MYT1L: variants seen among roughly 807,000 people sequenced by gnomAD.
The protein encoded by MYT1L is myelin transcription factor 1 like, also known as myelin transcription factor 1-like protein.
Under a neutral mutation model 126.7 loss-of-function variants are expected in MYT1L, and 12 were observed. The ratio of observed to expected loss-of-function variants is 0.09; its 90% CI spans 0.06 to 0.15. MYT1L has a LOEUF of 0.15. MYT1L is among the 10% of genes least tolerant of loss of function. MYT1L has a pLI of 1.00. For missense variants in MYT1L, 979 were observed against 1,585.2 expected (o/e 0.62, Z 6.49); for synonymous variants, 541 against 604.2 (o/e 0.90, Z 1.53).
chr2:1,931,155 C>T (rs577274339), intron 9 of MYT1L, among the ~76,000 whole-genome samples: 88 of 152,310 alleles, frequency 5.8e-4, no homozygotes, highest in Non-Finnish European at 8.8e-4. Flanking sequence ...AGGGTGGGGC[C>T]GGCCTGGGGG....
intron 23 of MYT1L, among the ~76,000 whole-genome samples, chr2:1,799,279 T>C (rs191139197): frequency 1.2e-4 from 18 of 152,322 alleles, no homozygotes; most frequent in Non-Finnish European, 2.2e-4. Flanking sequence ...GACACAGACC[T>C]GAGTGTTTCC....
At chr2:2,309,223 G>A (rs560872064) in intron 1 of MYT1L, among the ~76,000 whole-genome samples, 45 of 151,042 alleles carry the variant, frequency 3.0e-4, no homozygotes, top group Non-Finnish European at 4.9e-4. Flanking sequence ...CTGCACTTCA[G>A]TACATTCTAT....
chr2:2,222,022 G>A (rs1345558804), intron 2 of MYT1L, among the ~76,000 whole-genome samples: 1 of 152,128 alleles, frequency 6.6e-6, no homozygotes, highest in Non-Finnish European at 1.5e-5. Flanking sequence ...TAAACACCAT[G>A]GGTTGTCTTC....
At chr2:2,195,286 G>A (rs1406248044) in intron 2 of MYT1L, among the ~76,000 whole-genome samples, 1 of 152,202 alleles carries the variant, frequency 6.6e-6, no homozygotes, top group Non-Finnish European at 1.5e-5. Flanking sequence ...TGAGAGGGAA[G>A]CTCCTTGGTA....
chr2:2,028,091 A>G (rs910685012), intron 4 of MYT1L, among the ~76,000 whole-genome samples: 1 of 152,256 alleles, frequency 6.6e-6, no homozygotes, highest in Non-Finnish European at 1.5e-5. Context: ...ATGCTTAGCC[A>G]ATAAGCTTTT....
chr2:2,278,666 A>T (rs1171714654), intron 2 of MYT1L, among the ~76,000 whole-genome samples: 1 of 152,240 alleles, frequency 6.6e-6, no homozygotes, highest in Non-Finnish European at 1.5e-5. Flanking sequence ...AACATACTTA[A>T]GAAATCAACA....
intron 5 of MYT1L, among the ~76,000 whole-genome samples, chr2:1,995,648 TGA>T: frequency 6.6e-6 from 1 of 152,090 alleles, no homozygotes; most frequent in Non-Finnish European, 1.5e-5. Context: ...TGGTTGAGCA[TGA>T]GAGAGGCCCT....
chr2:1,856,682 C>T (rs1222981912), intron 18 of MYT1L, among the ~76,000 whole-genome samples: 1 of 152,224 alleles, frequency 6.6e-6, no homozygotes, highest in Non-Finnish European at 1.5e-5. Context: ...TCATCCCATC[C>T]TCTCTCTTTC....
intron 2 of MYT1L, among the ~76,000 whole-genome samples, chr2:2,247,336 A>G (rs1467248242): frequency 6.6e-6 from 1 of 152,212 alleles, no homozygotes; most frequent in African/African-American, 2.4e-5. Flanking sequence ...TGATATAAGA[A>G]TTGCATATAT....
intron 3 of MYT1L, among the ~76,000 whole-genome samples, chr2:2,093,109 T>C (rs539749143): frequency 6.6e-6 from 1 of 152,326 alleles, no homozygotes; most frequent in East Asian, 1.9e-4. Context: ...AAATATTTTA[T>C]TTTTGCTACC....
intron 4 of MYT1L, among the ~76,000 whole-genome samples, chr2:2,044,404 A>G (rs2067916162): frequency 6.6e-6 from 1 of 152,216 alleles, no homozygotes; most frequent in African/African-American, 2.4e-5. Context: ...GTGCCCATAG[A>G]GTATCAAATT....
intron 2 of MYT1L, among the ~76,000 whole-genome samples, chr2:2,282,904 G>A (rs183258129): frequency 5.3e-5 from 8 of 152,240 alleles, no homozygotes; most frequent in South Asian, 2.1e-4. Flanking sequence ...GTGAAACCCC[G>A]TCTTTACTAA....
At position 1,912,204 on chromosome 2, in the gene MYT1L, C is replaced by T; in HGVS notation, c.1619-94G>A. ...CAGTCATTTAACAAAGGCCAGGTCGCTCATGATAGACAGTCCTACAAACGT... is the reference window on the plus strand; with the variant it reads ...CAGTCATTTAACAAAGGCCAGGTCGTTCATGATAGACAGTCCTACAAACGT... On this transcript the variant is annotated intron_variant, in intron 11 of 24. Coordinates refer to ENST00000647738, the MANE Select transcript of MYT1L (RefSeq NM_001303052.2). This position sits in a 1 kb window ranked among gnomAD's most constrained non-coding sequence, Gnocchi z 4.3. 6.1e-6 allele frequency: 5 copies of T among 825,780 alleles called. No homozygotes were observed. The East Asian group carries it at 1.1e-4, about 19-fold the overall frequency. 51.2% of individuals were successfully genotyped at this position (825,780 alleles called of 1,614,324 possible). A position where few individuals can be genotyped will look rare whatever the true frequency, so the allele number is the denominator to read the frequency against.
In MYT1L at chr2:1,816,881, C is replaced by T. The variant is rs575486173; in HGVS notation, c.3081-7714G>A. 3.9e-5 allele frequency: 6 copies of T among 152,478 alleles called. No homozygotes were observed. In the East Asian group the frequency reaches 5.8e-4, roughly 15 times the overall value. 9.4% of individuals were successfully genotyped at this position (152,478 alleles called of 1,614,324 possible). A position where few individuals can be genotyped will look rare whatever the true frequency, so the allele number is the denominator to read the frequency against. ...GGGTGAGAGGTAGACGAGAGGACCC[C>T]GGGGTCCTGCCAGTTGGTTCCGTCC... On this transcript the variant is annotated intron_variant, in intron 21 of 24. Coordinates refer to ENST00000647738, the MANE Select transcript of MYT1L (RefSeq NM_001303052.2).
At chr2:2,196,994 TAAAA>T (rs1304993222) in intron 2 of MYT1L, among the ~76,000 whole-genome samples, 2 of 151,934 alleles carry the variant, frequency 1.3e-5, no homozygotes, top group Non-Finnish European at 2.9e-5. Context: ...AGGTTGAAGA[TAAAA>T]AAAGAAGAAA....
intron 3 of MYT1L, among the ~76,000 whole-genome samples, chr2:2,071,336 T>G (rs1361158717): frequency 6.6e-6 from 1 of 152,198 alleles, no homozygotes; most frequent in African/African-American, 2.4e-5. Context: ...ATTCATTAAT[T>G]TGGTCAGATA....
At chr2:2,004,766 A>ACGTTCTTTCCTGCAAG (rs2062989221) in intron 4 of MYT1L, among the ~76,000 whole-genome samples, 2 of 109,398 alleles carry the variant, frequency 1.8e-5, no homozygotes, top group African/African-American at 3.7e-5. Context: ...TTTCCTGAAT[A>ACGTTCTTTCCTGCAAG]CGTTCTTTCC....
At chr2:2,291,248 G>A (rs1380069209) in intron 1 of MYT1L, among the ~76,000 whole-genome samples, 1 of 152,158 alleles carries the variant, frequency 6.6e-6, no homozygotes, top group Non-Finnish European at 1.5e-5. Flanking sequence ...CCAACGTACA[G>A]CCTTCCTGCC....
In MYT1L at chr2:1,929,869, C is replaced by A. The variant is rs527362411; in HGVS notation, c.506-6606G>T. On this transcript the variant is annotated intron_variant, in intron 9 of 24. Coordinates refer to ENST00000647738, the MANE Select transcript of MYT1L (RefSeq NM_001303052.2). This position sits in a 1 kb window ranked among gnomAD's most constrained non-coding sequence, Gnocchi z 4.7. The stretch of plus-strand genomic sequence containing the variant: ...ACAGGGACGAGTCTAGAATTGCCAT[C>A]TTGGTTTTGCTACATCTCAAGCCTT... Among the ~76,000 whole-genome samples, 1 of 152,336 alleles carries A rather than the reference C, an allele frequency of 6.6e-6. No individual in the cohort carries two copies. Among genetic ancestry groups the A allele is most frequent in the African/African-American group, 2.4e-5 (1 of 41,574 alleles).
Sources: gnomAD v4.1 joint callset for allele counts (sites outside exome capture counted in the v4.1 genomes callset) on GRCh38, gnomAD v4.1.1 for gene constraint, Gnocchi (gnomAD v3.1) non-coding constraint, MANE v1.5 for transcripts, NCBI Gene and HGNC (gene_info 2026-07-23, HGNC 2026-07-21) for gene names.